COL23A1: variants seen among roughly 807,000 people sequenced by gnomAD.
COL23A1 encodes collagen type XXIII alpha 1 chain.
Under a neutral mutation model 99.3 loss-of-function variants are expected in COL23A1, and 97 were observed. The ratio of observed to expected loss-of-function variants is 0.98; its 90% CI spans 0.83 to 1.16. The LOEUF is 1.16. COL23A1 is among the 50% of genes most tolerant of loss of function. COL23A1 has a pLI of 0.00. For missense variants in COL23A1, 762 were observed against 757.4 expected (o/e 1.01, Z -0.07); for synonymous variants, 320 against 308.2 (o/e 1.04, Z -0.40).
At chr5:178,453,505 A>G (rs1166492475) in intron 2 of COL23A1, among the ~76,000 whole-genome samples, 1 of 152,146 alleles carries the variant, frequency 6.6e-6, no homozygotes, top group Non-Finnish European at 1.5e-5. Context: ...CAATTCTGTT[A>G]ACTGCAGGAT....
intron 2 of COL23A1, among the ~76,000 whole-genome samples, chr5:178,331,907 G>C (rs1417162406): frequency 6.6e-6 from 1 of 152,210 alleles, no homozygotes; most frequent in African/African-American, 2.4e-5. Flanking sequence ...CAAAAGCCAA[G>C]CAAAGCCACT....
At chr5:178,565,881 G>A (rs1299759970) in intron 1 of COL23A1, among the ~76,000 whole-genome samples, 2 of 151,634 alleles carry the variant, frequency 1.3e-5, no homozygotes, top group Admixed American at 6.6e-5. Context: ...GGGAGGCCGA[G>A]GCAGGCAGAT....
At chr5:178,572,007 G>A (rs1405944961) in intron 1 of COL23A1, among the ~76,000 whole-genome samples, 1 of 146,692 alleles carries the variant, frequency 6.8e-6, no homozygotes, top group Non-Finnish European at 1.5e-5. Flanking sequence ...GGCGGAGCTT[G>A]CAATGAGCCG....
At chr5:178,465,346 C>T (rs2840140) in intron 2 of COL23A1, among the ~76,000 whole-genome samples, 39,360 of 152,066 alleles carry the variant, frequency 0.26, 5,530 homozygotes, top group Middle Eastern at 0.33. Flanking sequence ...CATTCTTTAG[C>T]GTGACCGGAC....
At chr5:178,568,956 G>A (rs1438561402) in intron 1 of COL23A1, among the ~76,000 whole-genome samples, 1 of 152,140 alleles carries the variant, frequency 6.6e-6, no homozygotes, top group African/African-American at 2.4e-5. Context: ...TGGAATTGCT[G>A]GGTCATATGG....
At chr5:178,535,787 G>C (rs1455130481) in intron 2 of COL23A1, among the ~76,000 whole-genome samples, 1 of 152,270 alleles carries the variant, frequency 6.6e-6, no homozygotes, top group Non-Finnish European at 1.5e-5. Context: ...CTGAGCCAGA[G>C]TCCCCAGCCC....
At chr5:178,433,174 T>G (rs564183481) in intron 2 of COL23A1, among the ~76,000 whole-genome samples, 4 of 151,856 alleles carry the variant, frequency 2.6e-5, no homozygotes, top group Admixed American at 2.6e-4. Flanking sequence ...CCCCCAAGAC[T>G]GCTCCCACCG....
chr5:178,534,199 G>A (rs543282286), intron 2 of COL23A1, among the ~76,000 whole-genome samples: 2 of 152,268 alleles, frequency 1.3e-5, no homozygotes, highest in South Asian at 4.1e-4. Context: ...CAGGCTCAGA[G>A]GCCAGTGAGG....
At chr5:178,282,408 A>G (rs547069897) in intron 5 of COL23A1, among the ~76,000 whole-genome samples, 1 of 152,352 alleles carries the variant, frequency 6.6e-6, no homozygotes, top group South Asian at 2.1e-4. Flanking sequence ...AGGTATGAGC[A>G]GGAGAAACCA....
At chr5:178,315,581 A>G (rs1266579489) in intron 2 of COL23A1, among the ~76,000 whole-genome samples, 1 of 152,096 alleles carries the variant, frequency 6.6e-6, no homozygotes, top group East Asian at 1.9e-4. Context: ...AGAGCTAAAC[A>G]TGGAATGTCC....
In COL23A1 at chr5:178,281,886, T is replaced by C. The variant is rs1581519905; in HGVS notation, c.441+6438A>G. ...GCAACATGGCAAAACCCTGTGTCTA[T>C]TAAAAACACAAAAAAATCAGCCAGG... is the stretch of plus-strand genomic sequence containing the variant. On this transcript the variant is annotated intron_variant, in intron 5 of 28. Transcript: ENST00000390654. This position sits in a 1 kb window ranked among gnomAD's most constrained non-coding sequence, Gnocchi z 4.0. Among the ~76,000 whole-genome samples the C allele has an allele frequency of 6.6e-6, 1 of 151,354 alleles. No homozygotes were observed. Among genetic ancestry groups the C allele is most frequent in the South Asian group, 2.1e-4 (1 of 4,780 alleles).
At chr5:178,404,014 G>A (rs1343558586) in intron 2 of COL23A1, among the ~76,000 whole-genome samples, 2 of 152,172 alleles carry the variant, frequency 1.3e-5, no homozygotes, top group African/African-American at 2.4e-5. Flanking sequence ...TGAGATTCCC[G>A]GGAACAGAGA....
At chr5:178,368,402 C>G (rs1762608554) in intron 2 of COL23A1, among the ~76,000 whole-genome samples, 1 of 152,174 alleles carries the variant, frequency 6.6e-6, no homozygotes, top group Non-Finnish European at 1.5e-5. Flanking sequence ...GCATCCCCAC[C>G]AGAGGGTACG....
chr5:178,263,987 G>C (rs1051462126), intron 8 of COL23A1, among the ~76,000 whole-genome samples: 2 of 152,140 alleles, frequency 1.3e-5, no homozygotes, highest in Non-Finnish European at 2.9e-5. Context: ...CTGTATCTAC[G>C]TAACACTCTT....
chr5:178,501,478 G>A (rs1758529822), intron 2 of COL23A1, among the ~76,000 whole-genome samples: 1 of 152,064 alleles, frequency 6.6e-6, no homozygotes, highest in South Asian at 2.1e-4. Flanking sequence ...CTACTCGGGA[G>A]GCTGAGGCAG....
intron 2 of COL23A1, among the ~76,000 whole-genome samples, chr5:178,518,345 C>A (rs867510013): frequency 3.8e-4 from 57 of 150,860 alleles, no homozygotes; most frequent in Middle Eastern, 6.8e-3. Context: ...TTTTCCCCAC[C>A]TTTCCCGCCT....
rs1489750072 is a variant in COL23A1 at position 178,280,960 on chromosome 5, G to A, written c.441+7364C>T. ...GGGCTGCCCCACATGGGACACTCAC[G>A]GGGACACTGGGGACACAGTGCTGGA... is the stretch of plus-strand genomic sequence containing the variant. On this transcript the variant is annotated intron_variant, in intron 5 of 28. Transcript: ENST00000390654. The surrounding 1 kb of genome is among the most constrained non-coding windows in gnomAD (Gnocchi z 4.9). Among the ~76,000 whole-genome samples the A allele has an allele frequency of 2.0e-5, 3 of 152,198 alleles. No homozygotes were observed. The highest frequency in any genetic ancestry group is 7.2e-5 in the African/African-American group (3 of 41,460).
chr5:178,303,943 G>T (rs368900488), intron 3 of COL23A1, among the ~76,000 whole-genome samples: 2 of 152,332 alleles, frequency 1.3e-5, no homozygotes, highest in East Asian at 3.9e-4. Flanking sequence ...AAGAGGGTCT[G>T]GGAGGAGAGA....
chr5:178,523,050 C>T (rs747504629), intron 2 of COL23A1, among the ~76,000 whole-genome samples: 1 of 151,276 alleles, frequency 6.6e-6, no homozygotes, highest in Admixed American at 6.6e-5. Flanking sequence ...CCTGTAATCC[C>T]AGCACTTTGG....
Sources: allele counts gnomAD v4.1 joint callset (sites outside exome capture counted in the v4.1 genomes callset), GRCh38; gene constraint gnomAD v4.1.1; non-coding constraint Gnocchi (gnomAD v3.1); transcripts MANE v1.5; gene names NCBI Gene and HGNC (gene_info 2026-07-23, HGNC 2026-07-21).